ADGRL2: variants seen among roughly 807,000 people sequenced by gnomAD.
The protein encoded by ADGRL2 is adhesion G protein-coupled receptor L2.
In ADGRL2, 44 loss-of-function variants were observed where a neutral mutation model predicts 157.4. The observed-to-expected ratio is 0.28, with a 90% CI of 0.22 to 0.36. ADGRL2 has a LOEUF of 0.36. Among genes scored for constraint, ADGRL2 ranks in the 10% least tolerant of loss-of-function variants. The pLI is 1.00. For synonymous variants in ADGRL2, 585 were observed against 624.7 expected (o/e 0.94, Z 0.95); for missense variants, 1,510 against 1,768.9 (o/e 0.85, Z 2.63).
intron 1 of ADGRL2, among the ~76,000 whole-genome samples, chr1:81,360,314 A>T (rs903471455): frequency 2.0e-5 from 3 of 151,918 alleles, no homozygotes; most frequent in Non-Finnish European, 4.4e-5. Context: ...CTCAATTCTA[A>T]TATTATTTCA....
At chr1:81,465,415 A>C (rs746992970) in intron 2 of ADGRL2, among the ~76,000 whole-genome samples, 9 of 152,144 alleles carry the variant, frequency 5.9e-5, no homozygotes, top group Non-Finnish European at 1.3e-4. Context: ...AAAAGAAACT[A>C]ATTTGTATTT....
At chr1:81,401,980 ATTGT>A (rs148111228) in intron 1 of ADGRL2, among the ~76,000 whole-genome samples, 120 of 152,128 alleles carry the variant, frequency 7.9e-4, no homozygotes, top group Middle Eastern at 3.4e-3. Flanking sequence ...AAAATTAGTA[ATTGT>A]TTGTTTGTTT....
intron 2 of ADGRL2, among the ~76,000 whole-genome samples, chr1:81,894,330 T>A (rs2094335586): frequency 6.6e-6 from 1 of 152,202 alleles, no homozygotes; most frequent in African/African-American, 2.4e-5. Context: ...AGTGGGTTCC[T>A]TGCTGCATTT....
intron 2 of ADGRL2, among the ~76,000 whole-genome samples, chr1:81,882,885 A>G (rs1005760719): frequency 6.6e-6 from 1 of 152,186 alleles, no homozygotes; most frequent in African/African-American, 2.4e-5. Context: ...TACTTGACCC[A>G]ATTACTTAGT....
In ADGRL2 at chr1:81,992,840, T is replaced by G. The variant is rs974586643; in HGVS notation, c.*1695T>G. ...CAATATACATTACCCTGGAAAAGTT[T>G]TACTCCAAGTTCAAAAATCATATAA... On this transcript the variant is annotated 3_prime_UTR_variant, in exon 24 of 24. Coordinates refer to ENST00000686636, the MANE Select transcript of ADGRL2 (RefSeq NM_001366006.2). Among the ~76,000 whole-genome samples, 1 of 151,706 alleles carries G rather than the reference T, an allele frequency of 6.6e-6. No individual in the cohort carries two copies. The highest frequency in any genetic ancestry group is 1.5e-5 in the Non-Finnish European group (1 of 67,952).
At chr1:81,362,680 T>C (rs2075999739) in intron 1 of ADGRL2, among the ~76,000 whole-genome samples, 1 of 151,976 alleles carries the variant, frequency 6.6e-6, no homozygotes, top group Non-Finnish European at 1.5e-5. Flanking sequence ...GTCCTTATTG[T>C]TTTTTAACTG....
At chr1:81,656,421 T>C (rs2082534487) in intron 3 of ADGRL2, among the ~76,000 whole-genome samples, 1 of 152,214 alleles carries the variant, frequency 6.6e-6, no homozygotes, top group Admixed American at 6.5e-5. Flanking sequence ...GAAGTATAGA[T>C]AGACCAAGAT....
chr1:81,910,099 G>A (rs903827540), intron 3 of ADGRL2, among the ~76,000 whole-genome samples: 3 of 151,872 alleles, frequency 2.0e-5, no homozygotes, highest in African/African-American at 7.3e-5. Flanking sequence ...GATTAGCCAG[G>A]CGTGGTGGCA....
intron 11 of ADGRL2, among the ~76,000 whole-genome samples, chr1:81,963,092 TA>T (rs1655961589): frequency 6.6e-6 from 1 of 152,052 alleles, no homozygotes; most frequent in African/African-American, 2.4e-5. Context: ...GGTCTTCTTA[TA>T]AAGTTATATA....
At chr1:81,547,309 A>G (rs548558561) in intron 2 of ADGRL2, among the ~76,000 whole-genome samples, 224 of 152,320 alleles carry the variant, frequency 1.5e-3, no homozygotes, top group Non-Finnish European at 2.6e-3. Context: ...AGGAACCTGT[A>G]AAGCGATAGC....
intron 2 of ADGRL2, among the ~76,000 whole-genome samples, chr1:81,889,542 G>A (rs1320180757): frequency 6.6e-6 from 1 of 151,404 alleles, no homozygotes; most frequent in Non-Finnish European, 1.5e-5. Context: ...TGGGGCTGAA[G>A]GAAAGAAGCC....
Position 81,990,800 on chromosome 1 carries a change from C to T in ADGRL2, c.4065C>T (p.Ser1355=), listed in dbSNP as rs200279674. ...LLYQPQKKVK[S]EGTDSYVSQL... is the part of the protein sequence containing the mutation. ...ACCAACCCCAGAAGAAAGTGAAGTC[C>T]GAGGGAACTGACAGCTATGTCTCCC... The change falls in exon 24 of 24, where the codon TCC becomes TCT. Residue 1355 remains serine, a synonymous_variant. Coordinates refer to ENST00000686636, the MANE Select transcript of ADGRL2 (RefSeq NM_001366006.2). 1.5e-5 allele frequency: 25 copies of T among 1,613,928 alleles called. No individual in the cohort carries two copies. Among genetic ancestry groups the T allele is most frequent in the African/African-American group, 9.3e-5 (7 of 74,896 alleles).
chr1:81,669,366 G>A (rs1164431529), intron 3 of ADGRL2, among the ~76,000 whole-genome samples: 2 of 152,046 alleles, frequency 1.3e-5, no homozygotes, highest in Non-Finnish European at 2.9e-5. Context: ...AGTGTGCTAT[G>A]ACTGCACAGC....
chr1:81,845,017 G>A (rs924951457), intron 2 of ADGRL2, among the ~76,000 whole-genome samples: 2 of 151,984 alleles, frequency 1.3e-5, no homozygotes, highest in Non-Finnish European at 2.9e-5. Context: ...TTCTTATGCG[G>A]CAGCACATTT....
intron 1 of ADGRL2, among the ~76,000 whole-genome samples, chr1:81,326,822 AC>A (rs1175404483): frequency 6.6e-6 from 1 of 152,212 alleles, no homozygotes; most frequent in Non-Finnish European, 1.5e-5. Flanking sequence ...TACATCCTGA[AC>A]CGTCAGAAAT....
chr1:81,935,785 G>A (rs1164096147), intron 3 of ADGRL2, among the ~76,000 whole-genome samples: 1 of 144,402 alleles, frequency 6.9e-6, no homozygotes, highest in Non-Finnish European at 1.5e-5. Context: ...AATAGTTCTT[G>A]CCTTTACAAA....
intron 3 of ADGRL2, among the ~76,000 whole-genome samples, chr1:81,672,213 G>C (rs1557554093): frequency 6.6e-6 from 1 of 152,134 alleles, no homozygotes; most frequent in African/African-American, 2.4e-5. Context: ...ATACCTATTA[G>C]AGCCAATGGA....
At position 81,453,262 on chromosome 1, in the gene ADGRL2, CTT is replaced by C. The variant is rs1252196242; in HGVS notation, c.-248+8174_-248+8175del. On this transcript the variant is annotated intron_variant, in intron 2 of 24. Coordinates refer to the ADGRL2 transcript ENST00000370721. ...CAATGTAAATACAGAGAAAACCAAA[CTT>C]AATATGCAATAGCATAAACTAATCA... 3.3e-5 allele frequency among the ~76,000 whole-genome samples: 5 copies of C among 152,232 alleles called. No homozygotes were observed. In the East Asian group the frequency reaches 9.7e-4, roughly 29 times the overall value.
chr1:81,513,559 G>A (rs1180577280), intron 2 of ADGRL2, among the ~76,000 whole-genome samples: 1 of 152,246 alleles, frequency 6.6e-6, no homozygotes, highest in Non-Finnish European at 1.5e-5. Flanking sequence ...TTATAAAAGA[G>A]GGAAATGTGT....
Sources: allele counts gnomAD v4.1 joint callset (sites outside exome capture counted in the v4.1 genomes callset), GRCh38; gene constraint gnomAD v4.1.1; transcripts MANE v1.5; gene names NCBI Gene and HGNC (gene_info 2026-07-23, HGNC 2026-07-21).